The following TAF12 variants were observed in gnomAD, a reference collection of about 807,000 sequenced individuals.
TAF12 encodes TATA-box binding protein associated factor 12.
Under a neutral mutation model 20.8 loss-of-function variants are expected in TAF12, and 3 were observed. The observed-to-expected ratio is 0.14, with a 90% CI of 0.07 to 0.37. TAF12 has a LOEUF of 0.37. Among genes scored for constraint, TAF12 ranks in the 10% least tolerant of loss-of-function variants. The pLI is 1.00. For synonymous variants in TAF12, 69 were observed against 70.2 expected (o/e 0.98, Z 0.09); for missense variants, 131 against 197.9 (o/e 0.66, Z 2.03).
chr1:28,603,670 C>G, intron 5 of TAF12, 96 bp from the exon 6 acceptor site: 4 of 1,258,468 alleles, frequency 3.2e-6, no homozygotes, highest in Non-Finnish European at 4.6e-6. Flanking sequence ...ATGGTCTACA[C>G]TGTAGGCCGC....
chr1:28,631,001 T>C (rs1212838312), intron 1 of TAF12, among the ~76,000 whole-genome samples: 21 of 138,528 alleles, frequency 1.5e-4, no homozygotes, highest in Non-Finnish European at 2.9e-4. Context: ...GCTGAGACCG[T>C]GCCACTGCAC....
intron 1 of TAF12, among the ~76,000 whole-genome samples, chr1:28,638,877 C>T (rs1423871863): frequency 2.7e-5 from 4 of 148,718 alleles, no homozygotes; most frequent in African/African-American, 7.5e-5. Context: ...CTGCAAGCTC[C>T]ACCTCCCGGG....
At chr1:28,617,220 T>C (rs1667071105) in intron 3 of TAF12, among the ~76,000 whole-genome samples, 1 of 152,166 alleles carries the variant, frequency 6.6e-6, no homozygotes, top group African/African-American at 2.4e-5. Flanking sequence ...GCTAAAATTG[T>C]TGAAAGTGAT....
intron 1 of TAF12, among the ~76,000 whole-genome samples, chr1:28,640,488 A>G (rs1204997987): frequency 6.6e-6 from 1 of 152,216 alleles, no homozygotes; most frequent in East Asian, 1.9e-4. Flanking sequence ...GATTTCAGGC[A>G]AAGTAACCTC....
At chr1:28,627,391 G>GAAAAA (rs771889346) in intron 1 of TAF12, among the ~76,000 whole-genome samples, 1 of 63,644 alleles carries the variant, frequency 1.6e-5, no homozygotes, top group African/African-American at 5.0e-5. Context: ...CCGTCTCAAA[G>GAAAAA]AAAAAAAAAA....
chr1:28,616,655 A>AC (rs1384297667), intron 3 of TAF12, among the ~76,000 whole-genome samples: 3 of 149,898 alleles, frequency 2.0e-5, no homozygotes, highest in Non-Finnish European at 4.4e-5. Context: ...AATCACTTGA[A>AC]CCCCCGGGAT....
chr1:28,647,988 T>TA (rs556200916), upstream of TAF12, among the ~76,000 whole-genome samples: 55 of 148,240 alleles, frequency 3.7e-4, no homozygotes, highest in East Asian at 1.9e-3. Context: ...TCACTCGATT[T>TA]AAAAAAAAAA....
At chr1:28,610,975 A>C (rs984117017) in intron 4 of TAF12, among the ~76,000 whole-genome samples, 3 of 92,464 alleles carry the variant, frequency 3.2e-5, no homozygotes, top group African/African-American at 9.6e-5. Context: ...AAAAAAAAAA[A>C]AAAAAAAACA....
Position 28,623,288 on chromosome 1 carries a change from G to A in TAF12, c.-84-1123C>T, listed in dbSNP as rs560786207. 5.9e-5 allele frequency among the ~76,000 whole-genome samples: 9 copies of A among 151,732 alleles called. No individual in the cohort carries two copies. The South Asian group carries it at 1.0e-3, about 18-fold the overall frequency. On this transcript the variant is annotated intron_variant, in intron 1 of 5. Coordinates refer to ENST00000373824, the MANE Select transcript of TAF12 (RefSeq NM_005644.4). ...TGTAATCCCAGCACTTTGGGAGGCC[G>A]AGGTGGGTGGATCACCTGAGGTCAG...
Position 28,614,653 on chromosome 1 carries a change from A to T in TAF12, c.247-1292T>A, listed in dbSNP as rs1242478423. ...AGCCGAGACTGAACCACTGCACTCC[A>T]GCCTGGGTGACAGGGCGAGACAAAA... On this transcript the variant is annotated intron_variant, in intron 3 of 5. Transcript: ENST00000373824. 2.0e-5 allele frequency among the ~76,000 whole-genome samples: 3 copies of T among 151,506 alleles called. No homozygotes were observed. In the East Asian group the frequency reaches 5.8e-4, roughly 29 times the overall value.
At chr1:28,611,475 G>T (rs1666858276) in intron 4 of TAF12, among the ~76,000 whole-genome samples, 2 of 152,124 alleles carry the variant, frequency 1.3e-5, no homozygotes. Context: ...TGGTTAAAAT[G>T]AGATCATATT....
intron 3 of TAF12, among the ~76,000 whole-genome samples, chr1:28,615,678 CAAAAAAAAAAAAAAAAAAAA>C (rs57536422): frequency 5.5e-4 from 19 of 34,496 alleles, no homozygotes; most frequent in Middle Eastern, 0.067. Context: ...GACTCCGTCT[CAAAAAAAAAAAAAAAAAAAA>C]AAAAAAAAAA....
chr1:28,624,166 G>T, intron 1 of TAF12: 1 of 197,082 alleles, frequency 5.1e-6, no homozygotes, highest in South Asian at 1.8e-4. Flanking sequence ...CTTAGTGGGA[G>T]CCAAGACAAA....
chr1:28,611,046 T>C (rs540855848), intron 4 of TAF12, among the ~76,000 whole-genome samples: 4 of 149,190 alleles, frequency 2.7e-5, no homozygotes, highest in African/African-American at 9.9e-5. Flanking sequence ...CCTCAAAGAA[T>C]AGAATTCACC....
chr1:28,615,547 C>T (rs1001853481), intron 3 of TAF12, among the ~76,000 whole-genome samples: 5 of 151,608 alleles, frequency 3.3e-5, no homozygotes, highest in African/African-American at 1.2e-4. Flanking sequence ...GGTGTGGTGG[C>T]GTGTGCCTGT....
intron 1 of TAF12, among the ~76,000 whole-genome samples, chr1:28,633,109 C>A (rs964696306): frequency 9.2e-5 from 14 of 151,836 alleles, no homozygotes; most frequent in Admixed American, 4.0e-4. Flanking sequence ...GATCCACCTG[C>A]CTCGGCCTCC....
chr1:28,607,220 TTTATG>T (rs565102573), intron 4 of TAF12, among the ~76,000 whole-genome samples: 1 of 152,218 alleles, frequency 6.6e-6, no homozygotes, highest in African/African-American at 2.4e-5. Flanking sequence ...CTGCTAACAA[TTTATG>T]TTATTAGTAT....
intron 1 of TAF12, chr1:28,623,847 A>C: frequency 2.1e-6 from 1 of 479,406 alleles, no homozygotes; most frequent in Non-Finnish European, 2.7e-6. Flanking sequence ...CCTGAATCTT[A>C]GAGTCATGAG....
intron 1 of TAF12, among the ~76,000 whole-genome samples, chr1:28,627,287 C>G (rs1229290670): frequency 1.3e-5 from 2 of 151,098 alleles, no homozygotes; most frequent in African/African-American, 4.9e-5. Context: ...ACTCAGGAGG[C>G]TGACACACAA....
Sources: gnomAD v4.1 joint callset for allele counts (sites outside exome capture counted in the v4.1 genomes callset) on GRCh38, gnomAD v4.1.1 for gene constraint, MANE v1.5 for transcripts, NCBI Gene and HGNC (gene_info 2026-07-23, HGNC 2026-07-21) for gene names.